Variants in TM4SF4 observed in about 807,000 individuals in gnomAD.
The protein encoded by TM4SF4 is transmembrane 4 L six family member 4.
TM4SF4 carries 24 observed loss-of-function variants against 24.1 expected under a neutral mutation model. The observed-to-expected ratio is 1.00, with a 90% confidence interval of 0.72 to 1.40. TM4SF4 has a LOEUF of 1.40. Among genes scored for constraint, TM4SF4 ranks in the 40% most tolerant of loss-of-function variants. The probability of loss-of-function intolerance (pLI) is 0.00; values close to 1 mark genes in which losing one functional copy is unlikely to be tolerated. For synonymous variants in TM4SF4, 113 were observed against 97.0 expected, an observed-to-expected ratio of 1.17 and a Z score of -0.97; for missense variants, 254 against 254.2, an observed-to-expected ratio of 1.00 and a Z score of 0.01.
intron 4 of TM4SF4, among the ~76,000 whole-genome samples, chr3:149,499,668 T>TTAACA (rs148872549): frequency 0.086 from 13,016 of 152,198 alleles, 1,096 homozygotes; most frequent in East Asian, 0.43. Context: ...GTCTATTCAC[T>TTAACA]TAATATTATG....
At chr3:149,486,313 A>G (rs1370342333) in intron 2 of TM4SF4, among the ~76,000 whole-genome samples, 3 of 152,208 alleles carry the variant, frequency 2.0e-5, no homozygotes, top group East Asian at 3.8e-4. Flanking sequence ...TAAGGCTCTG[A>G]GGACACATTC....
Position 149,503,245 on chromosome 3 carries a change from T to C in TM4SF4, c.*552T>C, listed in dbSNP as rs1460646297. On this transcript the variant is annotated 3_prime_UTR_variant, in exon 5 of 5. Transcript: ENST00000305354. ...TGTCATCATGGCTAGGGTTCTTTTATGTATGTTAAATTAAAACCTGAATTC... is the reference window on the plus strand; with the variant it reads ...TGTCATCATGGCTAGGGTTCTTTTACGTATGTTAAATTAAAACCTGAATTC... 1 of 152,312 alleles carries C rather than the reference T, an allele frequency of 6.6e-6. No individual in the cohort carries two copies. The highest frequency in any genetic ancestry group is 2.4e-5 in the African/African-American group (1 of 41,470). 9.4% of individuals were successfully genotyped at this position (152,312 alleles called of 1,614,324 possible). A position where few individuals can be genotyped will look rare whatever the true frequency, so the allele number is the denominator to read the frequency against.
chr3:149,490,185 C>A (rs988449215), intron 3 of TM4SF4, among the ~76,000 whole-genome samples: 4 of 152,206 alleles, frequency 2.6e-5, no homozygotes, highest in African/African-American at 9.6e-5. Context: ...CCAGGTTTCA[C>A]TGCACCCTCT....
chr3:149,478,955 CG>C (rs1428140765), intron 2 of TM4SF4, among the ~76,000 whole-genome samples: 1 of 151,840 alleles, frequency 6.6e-6, no homozygotes, highest in Non-Finnish European at 1.5e-5. Context: ...TTGTTAGAGA[CG>C]GGGTTTCACC....
chr3:149,478,416 A>G lies in TM4SF4; in HGVS notation c.264+2504A>G, dbSNP rs188224720. Among the ~76,000 whole-genome samples, 33 of 152,274 alleles carry G rather than the reference A, an allele frequency of 2.2e-4. 1 individual carries two copies. The South Asian group carries it at 3.3e-3, about 15-fold the overall frequency. ...CACCTCGTCATCCCAAAGTGCTGGC[A>G]TTACAGTCATGAGCCACTACACCTG... is the stretch of plus-strand genomic sequence containing the variant. On this transcript the variant is annotated intron_variant, in intron 2 of 4. Transcript: ENST00000305354.
intron 2 of TM4SF4, among the ~76,000 whole-genome samples, chr3:149,478,675 C>T (rs1733977328): frequency 6.6e-6 from 1 of 152,216 alleles, no homozygotes; most frequent in African/African-American, 2.4e-5. Flanking sequence ...TAAACCAAGG[C>T]ACCTAGCACG....
chr3:149,501,893 T>G (rs1734434429), intron 4 of TM4SF4, among the ~76,000 whole-genome samples: 1 of 152,208 alleles, frequency 6.6e-6, no homozygotes, highest in Non-Finnish European at 1.5e-5. Flanking sequence ...TTAAAATACA[T>G]GCTATGAGAC....
chr3:149,486,508 C>A (rs571834936), intron 2 of TM4SF4, among the ~76,000 whole-genome samples: 6 of 152,156 alleles, frequency 3.9e-5, no homozygotes, highest in African/African-American at 9.7e-5. Context: ...ATGGATATTG[C>A]AAAAGTTCTT....
chr3:149,476,846 C>T (rs748440388), intron 2 of TM4SF4, among the ~76,000 whole-genome samples: 35 of 127,802 alleles, frequency 2.7e-4, no homozygotes, highest in Non-Finnish European at 5.0e-4. Context: ...CAGGGTCTCA[C>T]TCTGTTTGCC....
Position 149,474,706 on chromosome 3 carries a change from A to T in TM4SF4, c.-172A>T, listed in dbSNP as rs900703253. 1 of 596,356 alleles carries T rather than the reference A, an allele frequency of 1.7e-6. No homozygotes were observed. Among genetic ancestry groups the T allele is most frequent in the East Asian group, 3.1e-5 (1 of 32,184 alleles). The allele number at this position is 596,356 out of a possible 1,614,324, so 36.9% of individuals were successfully genotyped here. A position where few individuals can be genotyped will look rare whatever the true frequency, so the allele number is the denominator to read the frequency against. On this transcript the variant is annotated 5_prime_UTR_variant, in exon 1 of 5. Coordinates refer to ENST00000305354, the MANE Select transcript of TM4SF4 (RefSeq NM_004617.4). Reference sequence around the variant, plus strand: ...CCATCGAGGTTCTGCTATTTTTGAGAAGCTGAAGCAACTCCAAGGACACAG... The same window carrying T: ...CCATCGAGGTTCTGCTATTTTTGAGTAGCTGAAGCAACTCCAAGGACACAG...
chr3:149,494,312 C>A (rs1199716035), intron 3 of TM4SF4, among the ~76,000 whole-genome samples: 1 of 152,166 alleles, frequency 6.6e-6, no homozygotes, highest in African/African-American at 2.4e-5. Context: ...TCCAGGCAAC[C>A]AAATTCAATC....
chr3:149,499,475 A>T (rs1734376032), intron 4 of TM4SF4, among the ~76,000 whole-genome samples: 1 of 152,234 alleles, frequency 6.6e-6, no homozygotes, highest in African/African-American at 2.4e-5. Flanking sequence ...CAAATTACTA[A>T]AAATAAAAAC....
chr3:149,495,927 C>A, intron 3 of TM4SF4: 1 of 247,856 alleles, frequency 4.0e-6, no homozygotes, highest in East Asian at 1.0e-4. Flanking sequence ...TGGGTGTCAT[C>A]AAAGCCAGGA....
chr3:149,487,541 C>A lies in TM4SF4; in HGVS notation c.265-78C>A, dbSNP rs554062163. 151 of 1,556,258 alleles carry A rather than the reference C, an allele frequency of 9.7e-5. 1 individual carries two copies. In the African/African-American group the frequency reaches 1.8e-3, roughly 19 times the overall value. On this transcript the variant is annotated intron_variant, in intron 2 of 4. Transcript: ENST00000305354. ...AACTTCTTGTAGTCACCATGTTCAA[C>A]AGCAGGTGGATTAGGTTTGTTGAGT...
intron 2 of TM4SF4, among the ~76,000 whole-genome samples, chr3:149,482,079 G>T (rs551751262): frequency 1.3e-5 from 2 of 152,356 alleles, no homozygotes; most frequent in East Asian, 3.9e-4. Context: ...GGGATTACTA[G>T]CAGCCTATCC....
At chr3:149,484,565 T>TTTTTTG (rs1282806863) in intron 2 of TM4SF4, among the ~76,000 whole-genome samples, 1 of 151,200 alleles carries the variant, frequency 6.6e-6, no homozygotes, top group Non-Finnish European at 1.5e-5. Flanking sequence ...TTTTTTTTTT[T>TTTTTTG]TTTGGAGGCG....
chr3:149,491,811 C>T (rs1485844514), intron 3 of TM4SF4, among the ~76,000 whole-genome samples: 2 of 152,082 alleles, frequency 1.3e-5, no homozygotes, highest in Non-Finnish European at 2.9e-5. Flanking sequence ...AGAAGTTTGC[C>T]TTCCAGTGAG....
At chr3:149,501,369 C>T (rs1165331056) in intron 4 of TM4SF4, among the ~76,000 whole-genome samples, 1 of 152,166 alleles carries the variant, frequency 6.6e-6, no homozygotes. Context: ...CTGTCTCTCT[C>T]CCCACTCCTC....
At chr3:149,481,664 C>T (rs1204346024) in intron 2 of TM4SF4, among the ~76,000 whole-genome samples, 1 of 152,158 alleles carries the variant, frequency 6.6e-6, no homozygotes, top group Non-Finnish European at 1.5e-5. Context: ...CAGGACACAC[C>T]ATGTGTGGAG....
Sources: gnomAD v4.1 joint callset for allele counts (sites outside exome capture counted in the v4.1 genomes callset) on GRCh38, gnomAD v4.1.1 for gene constraint, MANE v1.5 for transcripts, NCBI Gene and HGNC (gene_info 2026-07-23, HGNC 2026-07-21) for gene names.